Variants in DPYD observed in about 807,000 individuals in gnomAD.
DPYD encodes dihydropyrimidine dehydrogenase [NADP(+)].
A neutral mutation model predicts 116.2 loss-of-function variants in DPYD; 109 were observed. That is an observed-to-expected ratio of 0.94 (90% confidence interval 0.80 to 1.10). The LOEUF (loss-of-function observed/expected upper bound fraction) is 1.10, where lower values mean the gene tolerates loss of function less well. Among genes scored for constraint, DPYD ranks in the 50% least tolerant of loss-of-function variants. The pLI is 0.00. For synonymous variants in DPYD, 440 were observed against 432.0 expected (o/e 1.02, Z -0.23); for missense variants, 1,302 against 1,254.5 (o/e 1.04, Z -0.57).
chr1:97,521,211 T>G lies in DPYD; in HGVS notation c.1525-5270A>C, dbSNP rs548356643. Among the ~76,000 whole-genome samples the G allele has an allele frequency of 3.9e-5, 6 of 152,352 alleles. No homozygotes were observed. In the East Asian group the frequency reaches 1.2e-3, roughly 29 times the overall value. The stretch of plus-strand genomic sequence containing the variant: ...TATCTCATTGTGGTTTTGATTTGCA[T>G]TTCTCTAATGACCAGTGATGATGAC... On this transcript the variant is annotated intron_variant, in intron 12 of 22. Coordinates refer to ENST00000370192, the MANE Select transcript of DPYD (RefSeq NM_000110.4).
intron 10 of DPYD, among the ~76,000 whole-genome samples, chr1:97,578,405 C>T (rs1653419319): frequency 1.3e-5 from 2 of 152,000 alleles, no homozygotes; most frequent in Admixed American, 1.3e-4. Flanking sequence ...TGGGCATCAT[C>T]ATGATTTTAC....
intron 14 of DPYD, among the ~76,000 whole-genome samples, chr1:97,419,616 T>C (rs1033114015): frequency 3.9e-5 from 6 of 152,182 alleles, no homozygotes; most frequent in Non-Finnish European, 7.4e-5. Flanking sequence ...CCTCCAGGCC[T>C]TTTCCACATA....
In DPYD at chr1:97,516,967, T is replaced by C. The variant is rs188251899; in HGVS notation, c.1525-1026A>G. On this transcript the variant is annotated intron_variant, in intron 12 of 22. Coordinates refer to ENST00000370192, the MANE Select transcript of DPYD (RefSeq NM_000110.4). ...AAGTAGAAATCCATTCTCTTGTGAA[T>C]CATCACTCAAAAGAAAAGTTATTTG... 2.6e-5 allele frequency among the ~76,000 whole-genome samples: 4 copies of C among 152,224 alleles called. No homozygotes were observed. The East Asian group carries it at 7.7e-4, about 29-fold the overall frequency.
intron 5 of DPYD, chr1:97,720,161 C>T: frequency 1.0e-6 from 1 of 970,360 alleles, no homozygotes; most frequent in Non-Finnish European, 1.2e-6. Flanking sequence ...CTCTCTCTCT[C>T]TCTCACACAC....
intron 2 of DPYD, among the ~76,000 whole-genome samples, chr1:97,865,440 A>G (rs1476985215): frequency 6.6e-6 from 1 of 151,940 alleles, no homozygotes; most frequent in Non-Finnish European, 1.5e-5. Context: ...GATTTATTCA[A>G]TACTGGGTAT....
At chr1:97,471,869 C>T (rs939749890) in intron 13 of DPYD, among the ~76,000 whole-genome samples, 15 of 152,268 alleles carry the variant, frequency 9.9e-5, no homozygotes, top group East Asian at 5.8e-4. Flanking sequence ...GGATTACAGG[C>T]GTGAGCCACC....
At chr1:97,111,589 C>T (rs1424499412) in intron 20 of DPYD, among the ~76,000 whole-genome samples, 1 of 151,928 alleles carries the variant, frequency 6.6e-6, no homozygotes, top group Non-Finnish European at 1.5e-5. Context: ...CACTCTCGGA[C>T]CACCCAATCT....
chr1:97,530,818 G>C (rs1317580818), intron 12 of DPYD, among the ~76,000 whole-genome samples: 1 of 152,158 alleles, frequency 6.6e-6, no homozygotes, highest in African/African-American at 2.4e-5. Context: ...ATTGTATCAA[G>C]TGTGAGGTAA....
In DPYD at chr1:97,573,883, T is replaced by C. The variant is rs780885126; in HGVS notation, c.1216A>G (p.Met406Val). 12 of 1,613,736 alleles carry C rather than the reference T, an allele frequency of 7.4e-6. No individual in the cohort carries two copies. Among genetic ancestry groups the C allele is most frequent in the Non-Finnish European group, 8.5e-6 (10 of 1,179,726 alleles). The change falls in exon 11 of 23, where the codon ATG (methionine) becomes GTG (valine). Residue 406 changes from methionine (M) to valine (V), a missense_variant. Met to Val is a conservative substitution (Grantham distance 21, BLOSUM62 1). Coordinates refer to ENST00000370192, the MANE Select transcript of DPYD (RefSeq NM_000110.4). The part of the protein sequence containing the change: ...VIVKGGRIVA[M>V]QFVRTEQDET... ...TCTTGCTCTGTCCGAACAAACTGCA[T>C]AGCAACAATTCTCCCACCTTTTACT...
intron 11 of DPYD, among the ~76,000 whole-genome samples, chr1:97,561,385 T>G (rs1046379496): frequency 1.3e-5 from 2 of 152,214 alleles, no homozygotes; most frequent in African/African-American, 2.4e-5. Flanking sequence ...TTCATTCTTT[T>G]CATTCAACCA....
intron 8 of DPYD, among the ~76,000 whole-genome samples, chr1:97,666,952 T>C (rs927118456): frequency 1.4e-4 from 22 of 152,220 alleles, no homozygotes; most frequent in Non-Finnish European, 2.9e-4. Flanking sequence ...CAACTAATGT[T>C]CTTAAGTAAT....
chr1:97,221,031 C>A (rs1279721301), intron 19 of DPYD, among the ~76,000 whole-genome samples: 1 of 152,150 alleles, frequency 6.6e-6, no homozygotes, highest in Non-Finnish European at 1.5e-5. Context: ...TCAAAGTTTT[C>A]TTTACTCAGC....
intron 20 of DPYD, among the ~76,000 whole-genome samples, chr1:97,144,371 C>T (rs559177675): frequency 6.6e-6 from 1 of 152,160 alleles, no homozygotes; most frequent in East Asian, 1.9e-4. Context: ...AATTACAGTC[C>T]CCAAATGGAA....
chr1:97,415,328 T>C (rs1470896032), intron 14 of DPYD, among the ~76,000 whole-genome samples: 1 of 152,148 alleles, frequency 6.6e-6, no homozygotes, highest in Non-Finnish European at 1.5e-5. Context: ...TAACACTTCA[T>C]CTACAATTAT....
At chr1:97,199,815 A>T (rs1323513092) in intron 19 of DPYD, among the ~76,000 whole-genome samples, 1 of 152,160 alleles carries the variant, frequency 6.6e-6, no homozygotes, top group Non-Finnish European at 1.5e-5. Flanking sequence ...TTATACCATG[A>T]AGGTGGAAGT....
chr1:97,759,381 AT>A (rs1665451152), intron 3 of DPYD, among the ~76,000 whole-genome samples: 1 of 152,062 alleles, frequency 6.6e-6, no homozygotes. Flanking sequence ...TTTACTGCCC[AT>A]TTAGCTTTTA....
intron 8 of DPYD, among the ~76,000 whole-genome samples, chr1:97,654,001 G>A (rs561706752): frequency 2.2e-4 from 34 of 152,236 alleles, no homozygotes; most frequent in South Asian, 8.3e-4. Context: ...AATATTGTGC[G>A]TGTGCTCTCC....
chr1:97,229,839 C>G (rs932752638), intron 19 of DPYD, among the ~76,000 whole-genome samples: 5 of 151,690 alleles, frequency 3.3e-5, no homozygotes, highest in African/African-American at 1.2e-4. Flanking sequence ...ATTTGGGAAC[C>G]AATATTTTAA....
chr1:97,248,406 C>T (rs1484289209), intron 18 of DPYD, among the ~76,000 whole-genome samples: 1 of 152,142 alleles, frequency 6.6e-6, no homozygotes, highest in Non-Finnish European at 1.5e-5. Context: ...GATGTGATTG[C>T]TCCTCCTTGC....
Sources: gnomAD v4.1 joint callset for allele counts (sites outside exome capture counted in the v4.1 genomes callset) on GRCh38, gnomAD v4.1.1 for gene constraint, MANE v1.5 for transcripts, NCBI Gene and HGNC (gene_info 2026-07-23, HGNC 2026-07-21) for gene names.